The following TMEM131L variants were observed in gnomAD, a reference collection of about 807,000 sequenced individuals.
TMEM131L encodes transmembrane protein 131-like.
A neutral mutation model predicts 192.2 loss-of-function variants in TMEM131L; 54 were observed. The observed-to-expected ratio is 0.28, with a 90% CI of 0.23 to 0.35. The LOEUF (loss-of-function observed/expected upper bound fraction) is 0.35, where lower values mean the gene tolerates loss of function less well. Among genes scored for constraint, TMEM131L ranks in the 10% least tolerant of loss-of-function variants. TMEM131L has a pLI of 1.00. For synonymous variants in TMEM131L, 701 were observed against 704.9 expected (o/e 0.99, Z 0.09); for missense variants, 1,888 against 1,972.9 (o/e 0.96, Z 0.82).
Position 153,504,266 on chromosome 4 carries a change from C to CTTTTTTTTTT in TMEM131L, c.239+30400_239+30409dup, listed in dbSNP as rs531620464. On this transcript the variant is annotated intron_variant, in intron 3 of 34. Coordinates refer to ENST00000409959, the MANE Select transcript of TMEM131L (RefSeq NM_001131007.2). ...ACGGGCGTGAGCCACCGCGGTCGGC[C>CTTTTTTTTTT]TTTTTTTTTTTTTTTTTTTTTTTTT... Among the ~76,000 whole-genome samples the CTTTTTTTTTT allele has an allele frequency of 1.6e-4, 7 of 42,630 alleles. 1 individual carries two copies. Among genetic ancestry groups the CTTTTTTTTTT allele is most frequent in the East Asian group, 1.5e-3 (3 of 2,040 alleles). The allele number at this position is 42,630 out of a possible 152,430, so 28.0% of individuals were successfully genotyped here. A position where few individuals can be genotyped will look rare whatever the true frequency, so the allele number is the denominator to read the frequency against.
At chr4:153,528,144 C>A (rs1037520653) in intron 3 of TMEM131L, among the ~76,000 whole-genome samples, 2 of 152,216 alleles carry the variant, frequency 1.3e-5, no homozygotes, top group Non-Finnish European at 2.9e-5. Flanking sequence ...CCTCAGTTTA[C>A]TTCCAGGTTT....
intron 3 of TMEM131L, among the ~76,000 whole-genome samples, chr4:153,497,035 G>GT (rs556608097): frequency 2.1e-3 from 317 of 151,068 alleles, no homozygotes; most frequent in African/African-American, 7.4e-3. Context: ...TAGTTTTTGT[G>GT]TTTTTTTGTA....
chr4:153,620,476 TTAACAGC>T (rs1733311174), intron 26 of TMEM131L, among the ~76,000 whole-genome samples: 1 of 152,232 alleles, frequency 6.6e-6, no homozygotes, highest in African/African-American at 2.4e-5. Flanking sequence ...TGCTGCAAAG[TTAACAGC>T]AAGCTGGTCA....
intron 23 of TMEM131L, 27 bp downstream of exon 23, chr4:153,602,754 T>C (rs1386986623): frequency 1.9e-6 from 3 of 1,606,072 alleles, no homozygotes; most frequent in Middle Eastern, 1.7e-4. Context: ...TCCCTTGTTC[T>C]CTCACTGAGT....
chr4:153,504,710 A>G (rs1733870553), intron 3 of TMEM131L, among the ~76,000 whole-genome samples: 1 of 152,238 alleles, frequency 6.6e-6, no homozygotes. Context: ...GCAAAATTTT[A>G]TAAGTCTCTT....
rs146234989 is a variant in TMEM131L at position 153,500,797 on chromosome 4, G to A, written c.239+26909G>A. ...CTATTGAGACCAAAGAAACACACAC[G>A]CTCACACACGCGTGCATGCACACAC... On this transcript the variant is annotated intron_variant, in intron 3 of 34. Coordinates refer to ENST00000409959, the MANE Select transcript of TMEM131L (RefSeq NM_001131007.2). Among the ~76,000 whole-genome samples, 500 of 152,178 alleles carry A rather than the reference G, an allele frequency of 3.3e-3. 6 individuals carry two copies. Among genetic ancestry groups the A allele is most frequent in the African/African-American group, 0.011 (456 of 41,512 alleles).
intron 3 of TMEM131L, among the ~76,000 whole-genome samples, chr4:153,513,823 A>C (rs746401603): frequency 9.2e-5 from 14 of 152,174 alleles, no homozygotes; most frequent in Non-Finnish European, 1.5e-4. Context: ...GACCCTCTCT[A>C]TGTCATTATC....
At chr4:153,476,675 A>C (rs1430758489) in intron 3 of TMEM131L, among the ~76,000 whole-genome samples, 1 of 152,102 alleles carries the variant, frequency 6.6e-6, no homozygotes, top group Admixed American at 6.6e-5. Flanking sequence ...CCAGCCTGGG[A>C]GACAGATTCC....
At chr4:153,493,196 ATT>A (rs1732911025) in intron 3 of TMEM131L, among the ~76,000 whole-genome samples, 1 of 151,096 alleles carries the variant, frequency 6.6e-6, no homozygotes, top group African/African-American at 2.4e-5. Context: ...AATACAAAAA[ATT>A]AGCCGGGCGT....
Position 153,586,346 on chromosome 4 carries a change from A to G in TMEM131L, c.1449A>G (p.Ala483=). The G allele has an allele frequency of 6.2e-7, 1 of 1,605,392 alleles. No homozygotes were observed. Among genetic ancestry groups the G allele is most frequent in the Non-Finnish European group, 8.5e-7 (1 of 1,177,052 alleles). The change falls in exon 14 of 35, where the codon GCA becomes GCG. Residue 483 remains alanine, a synonymous_variant. Transcript: ENST00000409959. Reference sequence around the variant, plus strand: ...CTACAAACATAGGTGCCATTTTTGCAATACCTCTACAGATTTATTCAGCAC... The same window carrying G: ...CTACAAACATAGGTGCCATTTTTGCGATACCTCTACAGATTTATTCAGCAC... ...FLTTNIGAIF[A]IPLQIYSAPT... is the part of the protein sequence containing the mutation.
chr4:153,620,676 G>T (rs1198893111), intron 26 of TMEM131L, 80 bp from the exon 27 acceptor site: 2 of 842,140 alleles, frequency 2.4e-6, no homozygotes, highest in East Asian at 6.3e-5. Context: ...GAATTCAGAT[G>T]GAGTTGGTCT....
intron 3 of TMEM131L, among the ~76,000 whole-genome samples, chr4:153,497,214 T>A (rs1169430386): frequency 6.6e-6 from 1 of 152,124 alleles, no homozygotes; most frequent in Non-Finnish European, 1.5e-5. Context: ...TTGTCTCCCC[T>A]CTGAAGGATG....
intron 3 of TMEM131L, among the ~76,000 whole-genome samples, chr4:153,508,124 G>T (rs1056689780): frequency 6.6e-6 from 1 of 152,146 alleles, no homozygotes; most frequent in Non-Finnish European, 1.5e-5. Flanking sequence ...CTAAGGAACT[G>T]AATCAGGGAA....
At chr4:153,571,512 G>T (rs1488057239) in intron 7 of TMEM131L, among the ~76,000 whole-genome samples, 7 of 152,144 alleles carry the variant, frequency 4.6e-5, no homozygotes, top group Non-Finnish European at 5.9e-5. Context: ...GGATTTAAGT[G>T]TATTTCTTCA....
intron 3 of TMEM131L, among the ~76,000 whole-genome samples, chr4:153,493,345 C>CAAAAAAAAAAAAAAAAAAAAAAAAAAA (rs35052272): frequency 5.5e-5 from 4 of 72,862 alleles, no homozygotes; most frequent in Admixed American, 2.9e-4. Context: ...GACTCTGTCT[C>CAAAAAAAAAAAAAAAAAAAAAAAAAAA]AAAAAAAAAA....
chr4:153,467,421 G>T, intron 2 of TMEM131L, 140 bp downstream of exon 2: 1 of 722,628 alleles, frequency 1.4e-6, no homozygotes, highest in Admixed American at 2.7e-5. Flanking sequence ...TAGGGGCCGA[G>T]CCTGAACACC....
intron 25 of TMEM131L, among the ~76,000 whole-genome samples, chr4:153,605,448 A>G (rs910510062): frequency 2.6e-5 from 4 of 152,326 alleles, no homozygotes; most frequent in South Asian, 2.1e-4. Flanking sequence ...GCTCACTGCA[A>G]CCTCCACCTC....
At position 153,467,312 on chromosome 4, in the gene TMEM131L, G is replaced by C. The variant is rs74995094; in HGVS notation, c.195+31G>C. The C allele has an allele frequency of 8.5e-4, 1,311 of 1,539,680 alleles. 9 individuals carry two copies. The African/African-American group carries it at 0.016, about 18-fold the overall frequency. On this transcript the variant is annotated intron_variant, in intron 2 of 34. Coordinates refer to ENST00000409959, the MANE Select transcript of TMEM131L (RefSeq NM_001131007.2). ...GACGACCAGGTGACAGGGCGGCTGT[G>C]GGTGTACGAGGGAGGAGAGGCGGGG...
Position 153,592,412 on chromosome 4 carries a change from G to T in TMEM131L, c.1813-63G>T, listed in dbSNP as rs1731135581. ...ATGATTAGGTTATGCTTTTTGGCCA[G>T]AATATCTCAGGAGGGATGCTGTGTC... On this transcript the variant is annotated intron_variant, in intron 17 of 34. Coordinates refer to ENST00000409959, the MANE Select transcript of TMEM131L (RefSeq NM_001131007.2). 3.6e-6 allele frequency: 4 copies of T among 1,108,210 alleles called. No individual in the cohort carries two copies. The African/African-American group carries it at 4.6e-5, about 13-fold the overall frequency. The allele number at this position is 1,108,210 out of a possible 1,614,324, so 68.6% of individuals were successfully genotyped here.
Sources: allele counts gnomAD v4.1 joint callset (sites outside exome capture counted in the v4.1 genomes callset), GRCh38; gene constraint gnomAD v4.1.1; transcripts MANE v1.5; gene names NCBI Gene and HGNC (gene_info 2026-07-23, HGNC 2026-07-21).